COL24A1: variants seen among roughly 807,000 people sequenced by gnomAD.
COL24A1 encodes collagen alpha-1(XXIV) chain.
Under a neutral mutation model 253.9 loss-of-function variants are expected in COL24A1, and 224 were observed. The ratio of observed to expected loss-of-function variants is 0.88; its 90% CI spans 0.79 to 0.99. The LOEUF is 0.99. Among genes scored for constraint, COL24A1 ranks in the 50% least tolerant of loss-of-function variants. The probability of loss-of-function intolerance (pLI) is 0.00; values close to 1 mark genes in which losing one functional copy is unlikely to be tolerated. For synonymous variants in COL24A1, 685 were observed against 673.7 expected (o/e 1.02, Z -0.26); for missense variants, 2,131 against 2,068.5 (o/e 1.03, Z -0.59).
chr1:85,848,105 GGAAA>G (rs1677342456), intron 38 of COL24A1, among the ~76,000 whole-genome samples: 1 of 152,024 alleles, frequency 6.6e-6, no homozygotes, highest in Non-Finnish European at 1.5e-5. Flanking sequence ...TAAGCTCTTT[GGAAA>G]GTCTGTTTCT....
At position 86,050,179 on chromosome 1, in the gene COL24A1, T is replaced by G; in HGVS notation, c.1852-2A>C. The G allele has an allele frequency of 6.2e-7, 1 of 1,612,970 alleles. No homozygotes were observed. The highest frequency in any genetic ancestry group is 8.5e-7 in the Non-Finnish European group (1 of 1,179,084). On this transcript the variant is annotated splice_acceptor_variant, in intron 10 of 59. Transcript: ENST00000370571. LOFTEE classifies it high-confidence loss of function. ...TTCTCCAGGAGAGCCAATAAAACCC[T>G]TAAAACAAGAAAATAGTCTGTATAT...
chr1:86,125,703 A>G lies in COL24A1; in HGVS notation c.633T>C (p.Asn211=), dbSNP rs781445813. ...SVFTLGSMNN[N]SIHFEGIVCQ... is the part of the protein sequence containing the mutation. ...ATACTATTCCTTCAAAATGGATAGAATTATTATTCATACTTCCTAAAGTAA... is the reference window on the plus strand; with the variant it reads ...ATACTATTCCTTCAAAATGGATAGAGTTATTATTCATACTTCCTAAAGTAA... The change falls in exon 3 of 60, where the codon AAT becomes AAC. Residue 211 remains asparagine (N), a synonymous_variant. Transcript: ENST00000370571. 2 of 1,610,516 alleles carry G rather than the reference A, an allele frequency of 1.2e-6. No individual in the cohort carries two copies. The highest frequency in any genetic ancestry group is 1.3e-5 in the African/African-American group (1 of 74,794).
intron 7 of COL24A1, among the ~76,000 whole-genome samples, chr1:86,077,846 G>C (rs1390165236): frequency 7.6e-6 from 1 of 130,922 alleles, no homozygotes; most frequent in African/African-American, 3.0e-5. Context: ...GGGGGTTGGG[G>C]GGCTGGGGAG....
chr1:85,926,153 A>C (rs1464543085), intron 24 of COL24A1, among the ~76,000 whole-genome samples: 1 of 152,220 alleles, frequency 6.6e-6, no homozygotes. Flanking sequence ...TAGAATGGCG[A>C]TCATTAAAAA....
At chr1:85,974,986 C>T (rs921484713) in intron 20 of COL24A1, among the ~76,000 whole-genome samples, 1 of 152,012 alleles carries the variant, frequency 6.6e-6, no homozygotes, top group Non-Finnish European at 1.5e-5. Context: ...AGACATTTCT[C>T]AAAGGGAGAC....
At chr1:86,106,067 TATC>T (rs1427570205) in intron 5 of COL24A1, among the ~76,000 whole-genome samples, 1 of 152,204 alleles carries the variant, frequency 6.6e-6, no homozygotes, top group Non-Finnish European at 1.5e-5. Context: ...CCAGCTCCCA[TATC>T]ATTTTTTACA....
chr1:86,002,071 C>T (rs1280590024), intron 19 of COL24A1, among the ~76,000 whole-genome samples: 2 of 152,144 alleles, frequency 1.3e-5, no homozygotes, highest in African/African-American at 4.8e-5. Flanking sequence ...CCCCAAAGAT[C>T]TGTTGAAAAT....
At chr1:85,965,136 T>C in intron 22 of COL24A1, 74 bp from the exon 23 acceptor site, 1 of 1,164,272 alleles carries the variant, frequency 8.6e-7, no homozygotes, top group Non-Finnish European at 1.2e-6. Context: ...TCCTAAGATA[T>C]ATGAAATTTA....
At chr1:85,886,679 AAATGGTTGC>A (rs1682547371) in intron 32 of COL24A1, among the ~76,000 whole-genome samples, 1 of 151,954 alleles carries the variant, frequency 6.6e-6, no homozygotes, top group African/African-American at 2.4e-5. Context: ...AAGAAAAAAA[AAATGGTTGC>A]TAAATTTTAG....
chr1:85,746,018 A>G (rs905181344), intron 55 of COL24A1, among the ~76,000 whole-genome samples: 5 of 152,188 alleles, frequency 3.3e-5, no homozygotes, highest in Admixed American at 2.0e-4. Context: ...CCCAAAAGAA[A>G]TAATACAGAA....
intron 32 of COL24A1, among the ~76,000 whole-genome samples, chr1:85,877,446 T>G (rs1301783117): frequency 6.6e-6 from 1 of 152,210 alleles, no homozygotes; most frequent in Non-Finnish European, 1.5e-5. Flanking sequence ...CACTGCAACC[T>G]CCGCCTCCCA....
intron 3 of COL24A1, among the ~76,000 whole-genome samples, chr1:86,119,530 T>TC (rs1270537243): frequency 6.6e-6 from 1 of 151,866 alleles, no homozygotes; most frequent in Non-Finnish European, 1.5e-5. Context: ...AGAGCACAAA[T>TC]CCCCCTATCA....
intron 38 of COL24A1, among the ~76,000 whole-genome samples, chr1:85,848,747 C>T (rs1193147867): frequency 1.3e-5 from 2 of 152,194 alleles, no homozygotes; most frequent in African/African-American, 2.4e-5. Context: ...ACTGTGAACA[C>T]AGTTGGACAG....
intron 57 of COL24A1, among the ~76,000 whole-genome samples, chr1:85,738,540 T>C (rs1664291429): frequency 6.6e-6 from 1 of 152,130 alleles, no homozygotes; most frequent in African/African-American, 2.4e-5. Context: ...GCATCTTAAT[T>C]CCAGACTAAT....
At chr1:85,995,203 G>A (rs1694664230) in intron 19 of COL24A1, among the ~76,000 whole-genome samples, 2 of 151,988 alleles carry the variant, frequency 1.3e-5, no homozygotes, top group Admixed American at 1.3e-4. Flanking sequence ...TCAAGCTGGA[G>A]TACAGTGGCA....
intron 3 of COL24A1, among the ~76,000 whole-genome samples, chr1:86,122,350 TAACC>T (rs1211346450): frequency 3.9e-5 from 6 of 151,978 alleles, no homozygotes; most frequent in Admixed American, 3.3e-4. Flanking sequence ...TTTCTTTCTA[TAACC>T]AAAAAGCAAA....
intron 40 of COL24A1, 54 bp from the exon 41 acceptor site, chr1:85,842,175 G>A (rs1357511267): frequency 1.3e-6 from 2 of 1,543,972 alleles, no homozygotes; most frequent in East Asian, 4.5e-5. Flanking sequence ...ATTAGATATT[G>A]CATTATTCTG....
At chr1:86,039,965 C>G (rs1326541237) in intron 12 of COL24A1, among the ~76,000 whole-genome samples, 2 of 152,150 alleles carry the variant, frequency 1.3e-5, no homozygotes, top group Non-Finnish European at 2.9e-5. Context: ...TAAACTTCAT[C>G]AGAAACATGA....
At chr1:85,825,420 G>A (rs892405024) in intron 43 of COL24A1, among the ~76,000 whole-genome samples, 4 of 152,054 alleles carry the variant, frequency 2.6e-5, no homozygotes, top group African/African-American at 9.7e-5. Flanking sequence ...ATGATTTATA[G>A]TCCTTTGGTT....
Sources: gnomAD v4.1 joint callset for allele counts (sites outside exome capture counted in the v4.1 genomes callset) on GRCh38, gnomAD v4.1.1 for gene constraint, MANE v1.5 for transcripts, NCBI Gene and HGNC (gene_info 2026-07-23, HGNC 2026-07-21) for gene names.